Variants in SGCZ observed in about 807,000 individuals in gnomAD.
SGCZ encodes sarcoglycan zeta, also known as zeta-sarcoglycan.
A neutral mutation model predicts 41.3 loss-of-function variants in SGCZ; 40 were observed. That is an observed-to-expected ratio of 0.97 (90% confidence interval 0.75 to 1.26). SGCZ has a LOEUF of 1.26. Ranked by LOEUF, SGCZ falls within the 50% of genes most tolerant of loss-of-function variation. The pLI is 0.00. For missense variants in SGCZ, 552 were observed against 369.8 expected (o/e 1.49, Z -4.04); for synonymous variants, 206 against 137.5 (o/e 1.50, Z -3.49).
At chr8:14,249,568 T>G (rs181217367) in intron 3 of SGCZ, among the ~76,000 whole-genome samples, 2 of 152,330 alleles carry the variant, frequency 1.3e-5, no homozygotes, top group East Asian at 3.9e-4. Flanking sequence ...TGAGACACTA[T>G]GATTTCGCAT....
chr8:14,794,726 A>T lies in SGCZ; in HGVS notation c.40-239800T>A, dbSNP rs528529460. 2.6e-5 allele frequency among the ~76,000 whole-genome samples: 4 copies of T among 152,316 alleles called. No homozygotes were observed. In the South Asian group the frequency reaches 8.3e-4, roughly 32 times the overall value. On this transcript the variant is annotated intron_variant, in intron 1 of 7. Coordinates refer to ENST00000382080, the MANE Select transcript of SGCZ (RefSeq NM_139167.4). ...AAAGGATGAAAATAGGCTCACGAAA[A>T]GACATAGCATTGGGAATTTTCAGAA...
chr8:14,623,462 T>C (rs1462501284), intron 1 of SGCZ, among the ~76,000 whole-genome samples: 2 of 152,182 alleles, frequency 1.3e-5, no homozygotes, highest in Non-Finnish European at 2.9e-5. Context: ...CTGACCTCTG[T>C]TGTTTTTCTG....
At chr8:15,208,974 G>A (rs1257245954) in intron 1 of SGCZ, among the ~76,000 whole-genome samples, 1 of 151,710 alleles carries the variant, frequency 6.6e-6, no homozygotes, top group African/African-American at 2.4e-5. Context: ...ATAAATTACT[G>A]CATTTGTTAT....
chr8:15,198,198 A>G (rs1800790699), intron 1 of SGCZ, among the ~76,000 whole-genome samples: 1 of 151,784 alleles, frequency 6.6e-6, no homozygotes, highest in Non-Finnish European at 1.5e-5. Context: ...TTAAAAATGT[A>G]AAGCTAAGCA....
chr8:14,292,307 G>C (rs1457502919), intron 3 of SGCZ, among the ~76,000 whole-genome samples: 1 of 152,002 alleles, frequency 6.6e-6, no homozygotes, highest in Non-Finnish European at 1.5e-5. Flanking sequence ...CATGAGAGTA[G>C]CTACTCAATT....
At chr8:14,962,473 A>G (rs1800995456) in intron 1 of SGCZ, among the ~76,000 whole-genome samples, 2 of 152,136 alleles carry the variant, frequency 1.3e-5, no homozygotes, top group African/African-American at 4.8e-5. Flanking sequence ...TTATAGATAC[A>G]ATAAATGTCA....
chr8:14,247,762 T>A (rs939400332), intron 3 of SGCZ, among the ~76,000 whole-genome samples: 3 of 152,120 alleles, frequency 2.0e-5, no homozygotes, highest in African/African-American at 7.2e-5. Context: ...AGCCCCAGGG[T>A]TCCAACCCTA....
chr8:14,783,019 G>A (rs1229550101), intron 1 of SGCZ, among the ~76,000 whole-genome samples: 11 of 152,080 alleles, frequency 7.2e-5, no homozygotes, highest in Admixed American at 7.2e-4. Context: ...GTATTTACTT[G>A]GAGTTGTATT....
chr8:14,694,625 T>C (rs1808899620), intron 1 of SGCZ, among the ~76,000 whole-genome samples: 1 of 152,174 alleles, frequency 6.6e-6, no homozygotes, highest in Non-Finnish European at 1.5e-5. Flanking sequence ...ACTGTGCCTT[T>C]CTCATTTACA....
At chr8:14,802,176 G>A (rs2130506027) in intron 1 of SGCZ, among the ~76,000 whole-genome samples, 1 of 152,254 alleles carries the variant, frequency 6.6e-6, no homozygotes, top group South Asian at 2.1e-4. Context: ...AAGGCAAGGG[G>A]AAAACCTTGG....
At chr8:15,007,395 T>G (rs1197771211) in intron 1 of SGCZ, among the ~76,000 whole-genome samples, 2 of 152,236 alleles carry the variant, frequency 1.3e-5, no homozygotes, top group Non-Finnish European at 2.9e-5. Flanking sequence ...ACTCTTGAAT[T>G]CAGCATTGTA....
intron 1 of SGCZ, among the ~76,000 whole-genome samples, chr8:14,958,266 T>C (rs922729842): frequency 2.6e-5 from 4 of 152,182 alleles, no homozygotes; most frequent in South Asian, 4.1e-4. Context: ...AGAGAAAATA[T>C]GTATCCATAA....
chr8:14,532,332 T>A (rs888442915), intron 2 of SGCZ, among the ~76,000 whole-genome samples: 5 of 151,958 alleles, frequency 3.3e-5, no homozygotes, highest in African/African-American at 1.2e-4. Flanking sequence ...CTGAATGGAG[T>A]CTTGGTAAAG....
At chr8:14,945,311 A>C (rs1800405759) in intron 1 of SGCZ, among the ~76,000 whole-genome samples, 1 of 152,162 alleles carries the variant, frequency 6.6e-6, no homozygotes, top group African/African-American at 2.4e-5. Flanking sequence ...CATTTCCTCC[A>C]TAACCTTTGT....
In SGCZ at chr8:14,309,743, G is replaced by A. The variant is rs1246998743; in HGVS notation, c.336+14360C>T. On this transcript the variant is annotated intron_variant, in intron 3 of 7. Coordinates refer to ENST00000382080, the MANE Select transcript of SGCZ (RefSeq NM_139167.4). The stretch of plus-strand genomic sequence containing the variant: ...ATCGAGATTTGGGAGCTGAACCAAA[G>A]CCTCTTCAAAAAGCAGAGTGGACTG... 50 of 1,595,692 alleles carry A rather than the reference G, an allele frequency of 3.1e-5. No homozygotes were observed. In the South Asian group the frequency reaches 4.9e-4, roughly 16 times the overall value.
intron 1 of SGCZ, among the ~76,000 whole-genome samples, chr8:15,054,030 G>C (rs1339812003): frequency 6.6e-6 from 1 of 152,180 alleles, no homozygotes; most frequent in Non-Finnish European, 1.5e-5. Context: ...AAGTGGATGT[G>C]ATGTGCAGAC....
intron 1 of SGCZ, among the ~76,000 whole-genome samples, chr8:14,607,084 G>A (rs977289321): frequency 1.3e-5 from 2 of 152,072 alleles, no homozygotes; most frequent in Admixed American, 1.3e-4. Flanking sequence ...TCTATTCATT[G>A]ACTGTGCCTG....
rs868307689 is a variant in SGCZ at position 14,242,523 on chromosome 8, T to C, written c.337-4844A>G. Among the ~76,000 whole-genome samples, 48 of 152,308 alleles carry C rather than the reference T, an allele frequency of 3.2e-4. 2 individuals are homozygous for C. The Middle Eastern group carries it at 0.024, about 76-fold the overall frequency. On this transcript the variant is annotated intron_variant, in intron 3 of 7. Coordinates refer to ENST00000382080, the MANE Select transcript of SGCZ (RefSeq NM_139167.4). ...CTCTTCATCTGTAAAATAGGGGTCA[T>C]AGCACATAATTTATGTGCTTGTTAT...
chr8:14,262,044 T>A (rs568644258), intron 3 of SGCZ, among the ~76,000 whole-genome samples: 1 of 152,184 alleles, frequency 6.6e-6, no homozygotes, highest in Non-Finnish European at 1.5e-5. Context: ...AATCAGAGGA[T>A]ACAGTATAGT....
Sources: allele counts gnomAD v4.1 joint callset (sites outside exome capture counted in the v4.1 genomes callset), GRCh38; gene constraint gnomAD v4.1.1; transcripts MANE v1.5; gene names NCBI Gene and HGNC (gene_info 2026-07-23, HGNC 2026-07-21).